FTO: variants seen among roughly 807,000 people sequenced by gnomAD.
FTO encodes the protein alpha-ketoglutarate-dependent dioxygenase FTO.
FTO carries 47 observed loss-of-function variants against 63.9 expected under a neutral mutation model. That is an observed-to-expected ratio of 0.74 (90% CI 0.58 to 0.94). The LOEUF is 0.94. FTO is among the 40% of genes least tolerant of loss of function. The pLI is 0.00. For synonymous variants in FTO, 207 were observed against 224.4 expected (o/e 0.92, Z 0.69); for missense variants, 562 against 618.1 (o/e 0.91, Z 0.96).
chr16:54,106,776 A>G (rs2086763429), intron 8 of FTO, among the ~76,000 whole-genome samples: 1 of 136,200 alleles, frequency 7.3e-6, no homozygotes, highest in Non-Finnish European at 1.5e-5. Flanking sequence ...AATACATATA[A>G]TTGTATATTT....
At chr16:53,912,514 T>A (rs1402879842) in intron 7 of FTO, among the ~76,000 whole-genome samples, 1 of 152,226 alleles carries the variant, frequency 6.6e-6, no homozygotes, top group Admixed American at 6.5e-5. Context: ...AGCTTGTGTA[T>A]TTAGAGAGGA....
intron 7 of FTO, among the ~76,000 whole-genome samples, chr16:53,899,677 A>C (rs1279836363): frequency 6.6e-6 from 1 of 152,178 alleles, no homozygotes; most frequent in Non-Finnish European, 1.5e-5. Context: ...TTTCCTCACC[A>C]GGAGTCCTTG....
intron 1 of FTO, among the ~76,000 whole-genome samples, chr16:53,761,455 G>A (rs1486064532): frequency 2.0e-5 from 3 of 152,124 alleles, no homozygotes; most frequent in African/African-American, 4.8e-5. Flanking sequence ...AAGGAGCCAA[G>A]TGCATGTTTT....
At chr16:54,013,505 T>G (rs1226482108) in intron 8 of FTO, 1 of 152,188 alleles carries the variant, frequency 6.6e-6, no homozygotes, top group Non-Finnish European at 1.5e-5. Flanking sequence ...TTGCAAGAAG[T>G]AAAATTGTGA....
At chr16:53,758,978 G>A (rs2076985078) in intron 1 of FTO, among the ~76,000 whole-genome samples, 1 of 152,162 alleles carries the variant, frequency 6.6e-6, no homozygotes, top group Admixed American at 6.6e-5. Flanking sequence ...TGTGATGTCT[G>A]GGATGTGATT....
At chr16:54,080,822 AGTATTCTGCTCC>A (rs1238579627) in intron 8 of FTO, among the ~76,000 whole-genome samples, 13 of 152,222 alleles carry the variant, frequency 8.5e-5, no homozygotes, top group African/African-American at 1.9e-4. Flanking sequence ...CATTTGCGTC[AGTATTCTGCTCC>A]TGGAAGAGTA....
At chr16:53,973,080 T>A (rs1367517660) in intron 8 of FTO, among the ~76,000 whole-genome samples, 1 of 152,190 alleles carries the variant, frequency 6.6e-6, no homozygotes, top group Admixed American at 6.5e-5. Flanking sequence ...TTTGCATAAA[T>A]ATCACAGAAA....
chr16:53,972,452 G>A (rs1033637997), intron 8 of FTO, among the ~76,000 whole-genome samples: 8 of 152,168 alleles, frequency 5.3e-5, no homozygotes, highest in Admixed American at 1.3e-4. Context: ...CAGAATGGTG[G>A]CATGGAACTA....
At chr16:53,839,775 TTTTATTTATTTA>T (rs1205942882) in intron 3 of FTO, among the ~76,000 whole-genome samples, 5 of 36,960 alleles carry the variant, frequency 1.4e-4, no homozygotes, top group Middle Eastern at 0.018. Context: ...TTTTCTTTTT[TTTTATTTATTTA>T]TTTATTTATT....
intron 2 of FTO, among the ~76,000 whole-genome samples, chr16:53,825,473 C>T (rs1175226918): frequency 2.0e-5 from 3 of 152,118 alleles, no homozygotes; most frequent in African/African-American, 7.2e-5. Context: ...CTAATGCACA[C>T]AAGTAACTTA....
intron 7 of FTO, among the ~76,000 whole-genome samples, chr16:53,891,320 A>T (rs1037842445): frequency 2.0e-5 from 3 of 149,354 alleles, no homozygotes; most frequent in Non-Finnish European, 4.4e-5. Context: ...AAACCAAATT[A>T]AAAAAAAATT....
chr16:54,041,023 C>T (rs13330831), intron 8 of FTO, among the ~76,000 whole-genome samples: 67,004 of 152,008 alleles, frequency 0.44, 17,266 homozygotes, highest in African/African-American at 0.71. Context: ...AATGTTAAAG[C>T]ACTATTCTCC....
intron 7 of FTO, among the ~76,000 whole-genome samples, chr16:53,911,801 A>C (rs2081716094): frequency 6.6e-6 from 1 of 152,230 alleles, no homozygotes; most frequent in African/African-American, 2.4e-5. Context: ...GCAATTTAGC[A>C]ATGCATCTCT....
At chr16:53,980,405 C>T (rs1369543831) in intron 8 of FTO, among the ~76,000 whole-genome samples, 1 of 152,194 alleles carries the variant, frequency 6.6e-6, no homozygotes, top group African/African-American at 2.4e-5. Context: ...AGGTTATACC[C>T]TACATGTGGA....
At chr16:53,738,671 A>T (rs1474176804) in intron 1 of FTO, among the ~76,000 whole-genome samples, 1 of 152,020 alleles carries the variant, frequency 6.6e-6, no homozygotes, top group Non-Finnish European at 1.5e-5. Context: ...GGAACTGCCA[A>T]ACTGTTTTCC....
At chr16:53,728,507 A>G (rs1241194216) in intron 1 of FTO, among the ~76,000 whole-genome samples, 1 of 152,222 alleles carries the variant, frequency 6.6e-6, no homozygotes, top group Non-Finnish European at 1.5e-5. Context: ...GTTCTAGGAT[A>G]CAGCCATGAA....
At position 53,826,079 on chromosome 16, in the gene FTO, C is replaced by A; in HGVS notation, c.339C>A (p.Leu113=). ...GCTYKYLNTR[L]FTVPWPVKGS... ...CCTACAAGTACCTGAACACCAGGCT[C>A]TTTACGGTCCCCTGGCCAGTGAAAG... The change falls in exon 3 of 9, where the codon CTC becomes CTA. Residue 113 remains leucine (L), a synonymous_variant. Transcript: ENST00000471389. 1 of 1,614,164 alleles carries A rather than the reference C, an allele frequency of 6.2e-7. No homozygotes were observed. The highest frequency in any genetic ancestry group is 8.5e-7 in the Non-Finnish European group (1 of 1,180,032).
intron 8 of FTO, among the ~76,000 whole-genome samples, chr16:53,957,809 G>T (rs987463071): frequency 2.6e-5 from 4 of 152,216 alleles, no homozygotes; most frequent in Non-Finnish European, 5.9e-5. Flanking sequence ...CATTGGAGTT[G>T]AATGTAATTT....
intron 2 of FTO, among the ~76,000 whole-genome samples, chr16:53,817,863 A>G (rs2078741457): frequency 6.6e-6 from 1 of 152,236 alleles, no homozygotes; most frequent in Non-Finnish European, 1.5e-5. Flanking sequence ...CTTTCCAAAT[A>G]CTTATTAAAC....
Sources: allele counts gnomAD v4.1 joint callset (sites outside exome capture counted in the v4.1 genomes callset), GRCh38; gene constraint gnomAD v4.1.1; transcripts MANE v1.5; gene names NCBI Gene and HGNC (gene_info 2026-07-23, HGNC 2026-07-21).